PRR16: variants seen among roughly 807,000 people sequenced by gnomAD.
PRR16 encodes protein Largen.
A neutral mutation model predicts 18.2 loss-of-function variants in PRR16; 6 were observed. The observed-to-expected ratio is 0.33, with a 90% confidence interval of 0.18 to 0.65. The LOEUF (loss-of-function observed/expected upper bound fraction) is 0.65. PRR16 is among the 30% of genes least tolerant of loss of function. The pLI is 0.74. For missense variants in PRR16, 412 were observed against 376.6 expected, an observed-to-expected ratio of 1.09 and a Z score of -0.78; for synonymous variants, 151 against 147.8, an observed-to-expected ratio of 1.02 and a Z score of -0.16.
In PRR16 at chr5:120,649,373, T is replaced by G. The variant is rs1464640006; in HGVS notation, c.160-36581T>G. Reference sequence around the variant, plus strand: ...AGTCAAGGAAGCCCACATGATTCACTGTTAGGATGAAGATCAAGAGTAATT... The same window carrying G: ...AGTCAAGGAAGCCCACATGATTCACGGTTAGGATGAAGATCAAGAGTAATT... On this transcript the variant is annotated intron_variant, in intron 1 of 1. Transcript: ENST00000407149. Among the ~76,000 whole-genome samples the G allele has an allele frequency of 3.9e-5, 6 of 152,288 alleles. No individual in the cohort carries two copies. The South Asian group carries it at 1.2e-3, about 32-fold the overall frequency.
At chr5:120,675,954 C>T (rs1175135722) in intron 1 of PRR16, among the ~76,000 whole-genome samples, 1 of 151,988 alleles carries the variant, frequency 6.6e-6, no homozygotes, top group Non-Finnish European at 1.5e-5. Context: ...CACTTATATG[C>T]ATATTATAAA....
intron 1 of PRR16, among the ~76,000 whole-genome samples, chr5:120,637,041 A>G (rs1447331789): frequency 1.3e-5 from 2 of 152,102 alleles, no homozygotes; most frequent in East Asian, 1.9e-4. Context: ...AATGCTCAAC[A>G]TCACTAATTA....
chr5:120,483,237 G>A (rs1445158121), intron 1 of PRR16, among the ~76,000 whole-genome samples: 1 of 152,074 alleles, frequency 6.6e-6, no homozygotes, highest in Non-Finnish European at 1.5e-5. Context: ...ATGTGTTTTA[G>A]TTTGTAAATG....
At chr5:120,786,619 AAT>A in the PRR16 span, among the ~76,000 whole-genome samples, 25 of 149,830 alleles carry the variant, frequency 1.7e-4, no homozygotes, top group Admixed American at 5.3e-4. Flanking sequence ...AAAATATATA[AAT>A]ATAGATTATA....
At chr5:120,482,036 C>T (rs1749633936) in intron 1 of PRR16, among the ~76,000 whole-genome samples, 1 of 151,938 alleles carries the variant, frequency 6.6e-6, no homozygotes, top group Admixed American at 6.6e-5. Context: ...AAATTATTAT[C>T]CAATTTAGTA....
chr5:120,651,347 T>C (rs1168914176), intron 1 of PRR16, among the ~76,000 whole-genome samples: 11 of 152,224 alleles, frequency 7.2e-5, no homozygotes, highest in Admixed American at 7.2e-4. Flanking sequence ...ATCCCATTTG[T>C]CCATTTTGGC....
chr5:120,608,457 G>A (rs887473354), intron 1 of PRR16, among the ~76,000 whole-genome samples: 1 of 152,104 alleles, frequency 6.6e-6, no homozygotes, highest in Non-Finnish European at 1.5e-5. Flanking sequence ...AGTGAATAAT[G>A]CAAAACTATC....
intron 1 of PRR16, among the ~76,000 whole-genome samples, chr5:120,482,157 A>AG (rs1749639785): frequency 6.6e-6 from 1 of 152,108 alleles, no homozygotes; most frequent in South Asian, 2.1e-4. Flanking sequence ...TTTTACATTC[A>AG]GGGGGTACAT....
At chr5:120,553,786 A>G (rs1442404344) in intron 1 of PRR16, among the ~76,000 whole-genome samples, 1 of 151,916 alleles carries the variant, frequency 6.6e-6, no homozygotes, top group East Asian at 1.9e-4. Context: ...AACCTCAACG[A>G]CATTACAACT....
intron 1 of PRR16, among the ~76,000 whole-genome samples, chr5:120,576,086 G>A (rs1373548685): frequency 6.6e-6 from 1 of 152,080 alleles, no homozygotes; most frequent in East Asian, 1.9e-4. Flanking sequence ...AAGCATAAAG[G>A]ACATGATTCC....
chr5:120,519,754 A>C (rs1268172073), intron 1 of PRR16, among the ~76,000 whole-genome samples: 2 of 152,122 alleles, frequency 1.3e-5, no homozygotes, highest in Non-Finnish European at 2.9e-5. Flanking sequence ...AATAGAAATT[A>C]AGAGAAAAGA....
At chr5:120,689,108 T>G (rs762934731), downstream of PRR16, among the ~76,000 whole-genome samples, 1 of 152,158 alleles carries the variant, frequency 6.6e-6, no homozygotes, top group Admixed American at 6.6e-5. Flanking sequence ...GACCTTACTC[T>G]TTTATGACAG....
the PRR16 span, among the ~76,000 whole-genome samples, chr5:120,753,940 AT>A: frequency 1.7e-4 from 1 of 5,920 alleles, no homozygotes. Flanking sequence ...ATTATATATA[AT>A]ATATGTTATA....
the PRR16 span, among the ~76,000 whole-genome samples, chr5:120,700,931 G>C: frequency 6.6e-6 from 1 of 152,188 alleles, no homozygotes; most frequent in African/African-American, 2.4e-5. Context: ...CTCTGGGAGT[G>C]GCTGCCAGGT....
the PRR16 span, among the ~76,000 whole-genome samples, chr5:120,788,421 C>T: frequency 5.3e-5 from 8 of 151,892 alleles, no homozygotes; most frequent in African/African-American, 1.9e-4. Flanking sequence ...AATTATGTAC[C>T]CACACATTTG....
chr5:120,714,981 C>T, the PRR16 span, among the ~76,000 whole-genome samples: 6 of 151,984 alleles, frequency 3.9e-5, no homozygotes, highest in Non-Finnish European at 5.9e-5. Flanking sequence ...CACACCAGGG[C>T]CTGTTGGTGG....
the PRR16 span, among the ~76,000 whole-genome samples, chr5:120,702,618 A>G: frequency 2.6e-5 from 4 of 152,182 alleles, no homozygotes; most frequent in African/African-American, 9.6e-5. Flanking sequence ...ATTAAACACC[A>G]AGGGAAGGCT....
chr5:120,724,903 G>A, the PRR16 span, among the ~76,000 whole-genome samples: 2 of 151,812 alleles, frequency 1.3e-5, no homozygotes, highest in African/African-American at 2.4e-5. Flanking sequence ...TATTCTGGTG[G>A]AGGACATATG....
chr5:120,469,137 G>T (rs550383776), intron 1 of PRR16, among the ~76,000 whole-genome samples: 1 of 152,216 alleles, frequency 6.6e-6, no homozygotes, highest in East Asian at 1.9e-4. Context: ...GATTTGAACT[G>T]ATGAAAACAG....
Sources: allele counts gnomAD v4.1 joint callset (sites outside exome capture counted in the v4.1 genomes callset), GRCh38; gene constraint gnomAD v4.1.1; transcripts MANE v1.5; gene names NCBI Gene and HGNC (gene_info 2026-07-23, HGNC 2026-07-21).